ASXL3: variants seen among roughly 807,000 people sequenced by gnomAD.
The protein encoded by ASXL3 is putative Polycomb group protein ASXL3.
Under a neutral mutation model 170.6 loss-of-function variants are expected in ASXL3, and 34 were observed. That is an observed-to-expected ratio of 0.20 (90% CI 0.15 to 0.27). ASXL3 has a LOEUF of 0.27. Ranked by LOEUF, ASXL3 falls within the 10% of genes least tolerant of loss-of-function variation. The probability of loss-of-function intolerance (pLI) is 1.00; values close to 1 mark genes in which losing one functional copy is unlikely to be tolerated. For synonymous variants in ASXL3, 1,002 were observed against 989.1 expected (o/e 1.01, Z -0.24); for missense variants, 2,592 against 2,695.3 (o/e 0.96, Z 0.85).
chr18:33,738,649 G>T lies in ASXL3; in HGVS notation c.1245G>T (p.Glu415Asp), dbSNP rs369775948. Residue 415 changes from glutamate to aspartate, a missense_variant, in exon 11 of 12, where the codon GAG becomes GAT. Physicochemically the swap from Glu to Asp is conservative, Grantham distance 45. This residue lies in a region of ASXL3 where 2,246 missense variants were observed against 2,219.6 expected (regional missense o/e 1.01). Transcript: ENST00000269197. Reference protein sequence around the residue: ...PKSMKSPASPEPGFCATLCPM... With the variant: ...PKSMKSPASPDPGFCATLCPM... ...GCATGAAAAGCCCAGCTTCTCCAGA[G>T]CCTGGTTTCTGTGCTACTCTTTGCC... is the stretch of plus-strand genomic sequence containing the variant. 5.9e-5 allele frequency: 95 copies of T among 1,613,962 alleles called. No homozygotes were observed. Among genetic ancestry groups the T allele is most frequent in the East Asian group, 5.3e-4 (24 of 44,862 alleles).
intron 1 of ASXL3, among the ~76,000 whole-genome samples, chr18:33,584,724 G>A (rs1160539732): frequency 6.6e-6 from 1 of 152,068 alleles, no homozygotes; most frequent in Non-Finnish European, 1.5e-5. Context: ...TCAGTAGCTA[G>A]GACTATCCCA....
In ASXL3 at chr18:33,744,785, A is replaced by G. The variant is rs758802240; in HGVS notation, c.4937A>G (p.His1646Arg). ...TGTCCAAAGGCTATCAAAACTGAAC[A>G]TGCCAACTACTTGAACGTGTCAGAA... The part of the protein sequence containing the change: ...QSCPKAIKTE[H>R]ANYLNVSELH... Residue 1646 changes from histidine to arginine, a missense_variant, in exon 12 of 12, where the codon CAT (histidine) becomes CGT (arginine). By Grantham distance (29) the His-to-Arg change is conservative (BLOSUM62 0). Coordinates refer to ENST00000269197, the MANE Select transcript of ASXL3 (RefSeq NM_030632.3). 6.2e-7 allele frequency: 1 copy of G among 1,614,046 alleles called. No individual in the cohort carries two copies. Among genetic ancestry groups the G allele is most frequent in the Non-Finnish European group, 8.5e-7 (1 of 1,179,898 alleles).
chr18:33,609,884 T>C lies in ASXL3; in HGVS notation c.137+2208T>C, dbSNP rs367728350. Among the ~76,000 whole-genome samples, 5 of 152,168 alleles carry C rather than the reference T, an allele frequency of 3.3e-5. No individual in the cohort carries two copies. The East Asian group carries it at 9.7e-4, about 30-fold the overall frequency. On this transcript the variant is annotated intron_variant, in intron 2 of 11. Transcript: ENST00000269197. The stretch of plus-strand genomic sequence containing the variant: ...ATCAAGTGGCCTCAGACTATGCATT[T>C]TGTGCTCCCATTTGTTTTTTCATTC...
intron 7 of ASXL3, among the ~76,000 whole-genome samples, chr18:33,679,191 A>T (rs11081820): frequency 0.54 from 81,603 of 152,000 alleles, 22,526 homozygotes; most frequent in East Asian, 0.9. Flanking sequence ...AATAAGAATT[A>T]AGCAAATTTT....
rs1187270320 is a variant in ASXL3, at chr18:33,713,256, T to G, written c.880-18712T>G. ...TTTTTTTGTTTTGTTTTGTTTTTTT[T>G]TTTTTTTTTTTTTTTTTTGAGACAG... On this transcript the variant is annotated intron_variant, in intron 8 of 11. Coordinates refer to ENST00000269197, the MANE Select transcript of ASXL3 (RefSeq NM_030632.3). Among the ~76,000 whole-genome samples, 20 of 113,144 alleles carry G rather than the reference T, an allele frequency of 1.8e-4. 2 individuals are homozygous for G. The East Asian group carries it at 3.5e-3, about 20-fold the overall frequency. 74.2% of individuals were successfully genotyped at this position (113,144 alleles called of 152,430 possible).
chr18:33,614,419 C>G (rs2065386968), intron 2 of ASXL3: 1 of 152,136 alleles, frequency 6.6e-6, no homozygotes, highest in Non-Finnish European at 1.5e-5. Flanking sequence ...TTCTAGTTCT[C>G]TTGCTGTTTC....
chr18:33,680,083 A>G (rs185617067), intron 7 of ASXL3, among the ~76,000 whole-genome samples: 70 of 151,148 alleles, frequency 4.6e-4, no homozygotes, highest in African/African-American at 1.5e-3. Flanking sequence ...TTAATTTTCA[A>G]TTTTTTTCTA....
chr18:33,608,070 A>G (rs1416189994), intron 2 of ASXL3, among the ~76,000 whole-genome samples: 3 of 152,010 alleles, frequency 2.0e-5, no homozygotes, highest in Admixed American at 1.3e-4. Flanking sequence ...TTCAGTGCCA[A>G]TAAATGTGGT....
intron 4 of ASXL3, among the ~76,000 whole-genome samples, 180 bp from the exon 5 acceptor site, chr18:33,661,436 G>A (rs1034260560): frequency 2.6e-5 from 4 of 151,932 alleles, no homozygotes; most frequent in East Asian, 1.9e-4. Flanking sequence ...ATGGAATTGC[G>A]GCCACACAGT....
chr18:33,656,186 TTG>T (rs1380327948), intron 4 of ASXL3, among the ~76,000 whole-genome samples: 6 of 152,106 alleles, frequency 3.9e-5, no homozygotes, highest in African/African-American at 9.6e-5. Flanking sequence ...TATGTATCCT[TTG>T]AGTTAAATTT....
At chr18:33,623,875 G>T (rs961628018) in intron 2 of ASXL3, among the ~76,000 whole-genome samples, 1 of 152,032 alleles carries the variant, frequency 6.6e-6, no homozygotes. Flanking sequence ...GACTAATGTT[G>T]GGGCTGGGTA....
intron 2 of ASXL3, among the ~76,000 whole-genome samples, chr18:33,618,836 A>G (rs969539045): frequency 9.2e-5 from 14 of 152,134 alleles, no homozygotes; most frequent in African/African-American, 2.9e-4. Flanking sequence ...CATGTATATG[A>G]TATTCCAACA....
chr18:33,738,660 G>C lies in ASXL3; in HGVS notation c.1256G>C (p.Cys419Ser), dbSNP rs1313171815. 1 of 1,613,808 alleles carries C rather than the reference G, an allele frequency of 6.2e-7. No homozygotes were observed. The highest frequency in any genetic ancestry group is 8.5e-7 in the Non-Finnish European group (1 of 1,179,870). Residue 419 changes from cysteine to serine, a missense_variant, in exon 11 of 12, where the codon TGT becomes TCT. Transcript: ENST00000269197. ...KSPASPEPGFCATLCPMVEIP... is the reference protein window; with the variant it reads ...KSPASPEPGFSATLCPMVEIP... Reference sequence around the variant, plus strand: ...CCAGCTTCTCCAGAGCCTGGTTTCTGTGCTACTCTTTGCCCTATGGTAGAA... The same window carrying C: ...CCAGCTTCTCCAGAGCCTGGTTTCTCTGCTACTCTTTGCCCTATGGTAGAA...
intron 8 of ASXL3, among the ~76,000 whole-genome samples, chr18:33,714,588 T>C (rs1202549673): frequency 6.6e-6 from 1 of 152,198 alleles, no homozygotes; most frequent in African/African-American, 2.4e-5. Flanking sequence ...GTATTTCTTA[T>C]TGCTCTCGTA....
chr18:33,602,225 C>T (rs1394753607), intron 1 of ASXL3, among the ~76,000 whole-genome samples: 1 of 152,118 alleles, frequency 6.6e-6, no homozygotes, highest in Admixed American at 6.6e-5. Flanking sequence ...ACTGTTCCCC[C>T]CTGCCATTCT....
intron 4 of ASXL3, among the ~76,000 whole-genome samples, chr18:33,651,876 T>G (rs1351336291): frequency 1.3e-5 from 2 of 152,108 alleles, no homozygotes; most frequent in Non-Finnish European, 1.5e-5. Context: ...GCCAAGGTAC[T>G]TTGTTACAAA....
chr18:33,690,620 AAT>A (rs1201829980), intron 8 of ASXL3, among the ~76,000 whole-genome samples: 7 of 152,254 alleles, frequency 4.6e-5, no homozygotes, highest in Admixed American at 6.5e-5. Flanking sequence ...CCCCAATGCT[AAT>A]CTAATACCCC....
In ASXL3 at chr18:33,671,754, A is replaced by G. The variant is rs763267736; in HGVS notation, c.603A>G (p.Glu201=). ...DEQSDSPSGS[E]SKNGEADSSD... ...AACTATTTCCTTTTTTAGGATCTGA[A>G]TCTAAAAATGGTGAAGCAGACAGTT... is the stretch of plus-strand genomic sequence containing the variant. The change falls in exon 7 of 12, where the codon GAA becomes GAG. Residue 201 remains glutamate (E), a synonymous_variant. Coordinates refer to ENST00000269197, the MANE Select transcript of ASXL3 (RefSeq NM_030632.3). The G allele has an allele frequency of 5.6e-6, 9 of 1,603,386 alleles. No homozygotes were observed. Among genetic ancestry groups the G allele is most frequent in the East Asian group, 4.5e-5 (2 of 44,654 alleles).
intron 8 of ASXL3, among the ~76,000 whole-genome samples, chr18:33,715,642 C>T (rs1368161279): frequency 2.6e-5 from 4 of 152,034 alleles, no homozygotes; most frequent in Admixed American, 6.6e-5. Flanking sequence ...CTAACAATAA[C>T]GTTTCTAATT....
Sources: allele counts gnomAD v4.1 joint callset (sites outside exome capture counted in the v4.1 genomes callset), GRCh38; gene constraint gnomAD v4.1.1; regional missense constraint gnomAD v4.1.1; transcripts MANE v1.5; gene names NCBI Gene and HGNC (gene_info 2026-07-23, HGNC 2026-07-21).